Variants in INPP4B observed in about 807,000 individuals in gnomAD.
INPP4B encodes inositol polyphosphate-4-phosphatase type II B.
A neutral mutation model predicts 122.5 loss-of-function variants in INPP4B; 55 were observed. The observed-to-expected ratio is 0.45, with a 90% CI of 0.36 to 0.56. The LOEUF is 0.56. Ranked by LOEUF, INPP4B falls within the 20% of genes least tolerant of loss-of-function variation. The probability of loss-of-function intolerance (pLI) is 0.00; values close to 1 mark genes in which losing one functional copy is unlikely to be tolerated. For synonymous variants in INPP4B, 403 were observed against 388.7 expected, an observed-to-expected ratio of 1.04 and a Z score of -0.43; for missense variants, 1,000 against 1,097.7, an observed-to-expected ratio of 0.91 and a Z score of 1.26.
intron 2 of INPP4B, among the ~76,000 whole-genome samples, chr4:142,717,527 T>G (rs113022123): frequency 0.025 from 3,748 of 152,248 alleles, 59 homozygotes; most frequent in Middle Eastern, 0.095. Context: ...TAAGAAAATG[T>G]GGCACATATA....
intron 2 of INPP4B, among the ~76,000 whole-genome samples, chr4:142,506,284 T>A (rs1824015268): frequency 6.6e-6 from 1 of 152,158 alleles, no homozygotes; most frequent in Non-Finnish European, 1.5e-5. Flanking sequence ...TCACACATTC[T>A]ATAGAGAGGT....
At chr4:142,783,073 C>T (rs1249562445) in intron 1 of INPP4B, among the ~76,000 whole-genome samples, 1 of 151,354 alleles carries the variant, frequency 6.6e-6, no homozygotes, top group African/African-American at 2.4e-5. Context: ...AGAAGAAAAC[C>T]TAGGCATTAC....
chr4:142,688,536 A>G (rs1034386053), intron 2 of INPP4B, among the ~76,000 whole-genome samples: 1 of 152,128 alleles, frequency 6.6e-6, no homozygotes, highest in Admixed American at 6.5e-5. Context: ...TGCAAAAATT[A>G]TAACTGAGAA....
intron 2 of INPP4B, among the ~76,000 whole-genome samples, chr4:142,686,208 G>A (rs189626420): frequency 2.0e-3 from 309 of 152,168 alleles, no homozygotes; most frequent in African/African-American, 7.0e-3. Context: ...GTTAGTCAAG[G>A]CCTCAAATAA....
chr4:142,098,429 T>C (rs993280548), intron 23 of INPP4B, among the ~76,000 whole-genome samples: 2 of 152,100 alleles, frequency 1.3e-5, no homozygotes, highest in African/African-American at 4.8e-5. Context: ...GAGACTTTCA[T>C]TTTAAAACAG....
chr4:142,721,431 G>C (rs1452715269), intron 2 of INPP4B, among the ~76,000 whole-genome samples: 8 of 152,198 alleles, frequency 5.3e-5, no homozygotes, highest in African/African-American at 1.9e-4. Context: ...AAGCCAGTAA[G>C]TGATAAAATT....
intron 15 of INPP4B, among the ~76,000 whole-genome samples, chr4:142,184,368 T>C (rs766937204): frequency 3.3e-5 from 5 of 152,214 alleles, no homozygotes; most frequent in Non-Finnish European, 7.3e-5. Flanking sequence ...AACACTAATG[T>C]TATACCTGCC....
chr4:142,357,832 A>G (rs560005683), intron 7 of INPP4B, among the ~76,000 whole-genome samples: 1 of 152,148 alleles, frequency 6.6e-6, no homozygotes, highest in East Asian at 1.9e-4. Flanking sequence ...TATTTGCATT[A>G]TTGTGGATAT....
intron 7 of INPP4B, among the ~76,000 whole-genome samples, chr4:142,397,525 T>C (rs1799734767): frequency 6.6e-6 from 1 of 152,120 alleles, no homozygotes; most frequent in African/African-American, 2.4e-5. Flanking sequence ...GTTTTAGTAA[T>C]TGATCAACTT....
intron 23 of INPP4B, among the ~76,000 whole-genome samples, chr4:142,097,260 A>ATTTTAT (rs1441435453): frequency 5.4e-5 from 8 of 148,150 alleles, no homozygotes; most frequent in African/African-American, 2.5e-5. Flanking sequence ...ATTTTATTTT[A>ATTTTAT]TTTTATTTTT....
intron 25 of INPP4B, among the ~76,000 whole-genome samples, chr4:142,053,185 G>A (rs1227206449): frequency 6.6e-6 from 1 of 152,046 alleles, no homozygotes; most frequent in Non-Finnish European, 1.5e-5. Context: ...TCAAGGACCT[G>A]GAGGGTTGGC....
intron 7 of INPP4B, among the ~76,000 whole-genome samples, chr4:142,376,502 T>A (rs1791900402): frequency 1.3e-5 from 2 of 152,036 alleles, no homozygotes; most frequent in Admixed American, 6.6e-5. Context: ...TTGGCATGTG[T>A]TTTCAGATCC....
At chr4:142,099,635 T>C (rs1783609074) in intron 23 of INPP4B, among the ~76,000 whole-genome samples, 1 of 152,182 alleles carries the variant, frequency 6.6e-6, no homozygotes, top group African/African-American at 2.4e-5. Context: ...AAATACCATA[T>C]AAAGCCCTGT....
chr4:142,610,581 T>A (rs1742263942), intron 2 of INPP4B, among the ~76,000 whole-genome samples: 1 of 152,150 alleles, frequency 6.6e-6, no homozygotes, highest in African/African-American at 2.4e-5. Flanking sequence ...ATTAAAAAAA[T>A]TTAGACAGAG....
chr4:142,146,891 C>T (rs1032850059), intron 17 of INPP4B, among the ~76,000 whole-genome samples: 5 of 152,160 alleles, frequency 3.3e-5, no homozygotes, highest in African/African-American at 1.2e-4. Flanking sequence ...ACTAATCTTC[C>T]CAGTTCTCAT....
intron 11 of INPP4B, among the ~76,000 whole-genome samples, chr4:142,248,296 T>C (rs1729973143): frequency 6.6e-6 from 1 of 151,500 alleles, no homozygotes; most frequent in Non-Finnish European, 1.5e-5. Context: ...TCCCCCTCCT[T>C]TCCCTCTCTC....
In INPP4B at chr4:142,411,765, G is replaced by A. The variant is rs182130852; in HGVS notation, c.137-6441C>T. Reference sequence around the variant, plus strand: ...AAATTAGCTGGGCATGGTGATGCGCGTTTGTAATCCCAGCTACTCGGGAGG... The same window carrying A: ...AAATTAGCTGGGCATGGTGATGCGCATTTGTAATCCCAGCTACTCGGGAGG... On this transcript the variant is annotated intron_variant, in intron 5 of 25. Coordinates refer to ENST00000262992, the MANE Select transcript of INPP4B (RefSeq NM_001101669.3). Among the ~76,000 whole-genome samples the A allele has an allele frequency of 1.8e-4, 27 of 152,212 alleles. No individual in the cohort carries two copies. In the East Asian group the frequency reaches 4.5e-3, roughly 25 times the overall value.
chr4:142,549,442 C>T (rs994628326), intron 2 of INPP4B, among the ~76,000 whole-genome samples: 1 of 152,070 alleles, frequency 6.6e-6, no homozygotes, highest in African/African-American at 2.4e-5. Flanking sequence ...GTCAAGGAGT[C>T]TAACCAAATG....
At chr4:142,308,930 A>C (rs1223924336) in intron 8 of INPP4B, among the ~76,000 whole-genome samples, 2 of 152,154 alleles carry the variant, frequency 1.3e-5, no homozygotes, top group Non-Finnish European at 2.9e-5. Flanking sequence ...TCCGGCCCCC[A>C]GGCTCACCAT....
Sources: allele counts gnomAD v4.1 joint callset (sites outside exome capture counted in the v4.1 genomes callset), GRCh38; gene constraint gnomAD v4.1.1; transcripts MANE v1.5; gene names NCBI Gene and HGNC (gene_info 2026-07-23, HGNC 2026-07-21).